Variants in CLYBL observed in about 807,000 individuals in gnomAD.
The protein encoded by CLYBL is citramalyl-CoA lyase, mitochondrial.
A neutral mutation model predicts 38.9 loss-of-function variants in CLYBL; 31 were observed. That is an observed-to-expected ratio of 0.80 (90% CI 0.60 to 1.08). The LOEUF (loss-of-function observed/expected upper bound fraction) is 1.08, where lower values mean the gene tolerates loss of function less well. Ranked by LOEUF, CLYBL falls within the 50% of genes least tolerant of loss-of-function variation. The pLI is 0.00. For synonymous variants in CLYBL, 171 were observed against 158.6 expected, an observed-to-expected ratio of 1.08 and a Z score of -0.59; for missense variants, 434 against 411.6, an observed-to-expected ratio of 1.05 and a Z score of -0.47.
At chr13:99,721,910 G>C (rs2048399155) in intron 1 of CLYBL, among the ~76,000 whole-genome samples, 1 of 152,110 alleles carries the variant, frequency 6.6e-6, no homozygotes, top group Non-Finnish European at 1.5e-5. Flanking sequence ...TGTTTCTGGA[G>C]CACTGCTTTA....
At chr13:99,820,362 ATT>A (rs1220312310) in intron 2 of CLYBL, among the ~76,000 whole-genome samples, 1 of 152,170 alleles carries the variant, frequency 6.6e-6, no homozygotes, top group Non-Finnish European at 1.5e-5. Context: ...ATATTTAAAA[ATT>A]TTTGTCTTTA....
At chr13:99,642,636 T>C (rs1308202087) in intron 1 of CLYBL, among the ~76,000 whole-genome samples, 3 of 152,054 alleles carry the variant, frequency 2.0e-5, no homozygotes, top group African/African-American at 7.2e-5. Flanking sequence ...CAGGCTGGTC[T>C]CAAACTCCTG....
chr13:99,902,184 T>C lies in CLYBL; in HGVS notation c.*25-3086T>C, dbSNP rs139834196. On this transcript the variant is annotated intron_variant and NMD_transcript_variant, in intron 8 of 9. Coordinates refer to the CLYBL transcript ENST00000689673. Reference sequence around the variant, plus strand: ...AATTTCTATCCTATTCTTAACCTTATTCCTTTTGGGGGAGATATTACCAGA... The same window carrying C: ...AATTTCTATCCTATTCTTAACCTTACTCCTTTTGGGGGAGATATTACCAGA... Among the ~76,000 whole-genome samples, 419 of 152,352 alleles carry C rather than the reference T, an allele frequency of 2.8e-3. 1 individual carries two copies. Among genetic ancestry groups the C allele is most frequent in the Non-Finnish European group, 3.7e-3 (255 of 68,038 alleles).
intron 1 of CLYBL, among the ~76,000 whole-genome samples, chr13:99,669,299 G>T (rs1396616516): frequency 6.6e-6 from 1 of 152,170 alleles, no homozygotes; most frequent in African/African-American, 2.4e-5. Flanking sequence ...GCCGCGCCCG[G>T]CCAGGTCCTT....
At chr13:99,878,601 C>G (rs2038694) in intron 7 of CLYBL, among the ~76,000 whole-genome samples, 16 of 152,186 alleles carry the variant, frequency 1.1e-4, no homozygotes, top group African/African-American at 3.9e-4. Context: ...AAATCAATGA[C>G]TTATGCACGT....
chr13:99,731,993 AG>A (rs1186841955), intron 1 of CLYBL, among the ~76,000 whole-genome samples: 1 of 152,046 alleles, frequency 6.6e-6, no homozygotes, highest in Non-Finnish European at 1.5e-5. Context: ...GAACGGTACC[AG>A]GGGCTTGGGA....
chr13:99,744,344 G>A (rs542729498), intron 1 of CLYBL, among the ~76,000 whole-genome samples: 2 of 152,252 alleles, frequency 1.3e-5, no homozygotes, highest in East Asian at 1.9e-4. Context: ...TTTGACTTTT[G>A]AATAGTTACT....
At chr13:99,787,348 C>CT (rs2049818560) in intron 2 of CLYBL, among the ~76,000 whole-genome samples, 1 of 152,148 alleles carries the variant, frequency 6.6e-6, no homozygotes, top group Non-Finnish European at 1.5e-5. Flanking sequence ...ACATTTAAGT[C>CT]TTTAATCCAT....
At chr13:99,799,843 C>T (rs1348266731) in intron 2 of CLYBL, among the ~76,000 whole-genome samples, 1 of 152,250 alleles carries the variant, frequency 6.6e-6, no homozygotes, top group Non-Finnish European at 1.5e-5. Context: ...ACACGTGAAG[C>T]ACACATGTTG....
intron 2 of CLYBL, among the ~76,000 whole-genome samples, chr13:99,810,140 G>A (rs1363150012): frequency 1.3e-5 from 2 of 152,214 alleles, no homozygotes; most frequent in African/African-American, 4.8e-5. Context: ...CCACTTTGTG[G>A]CAACACAAGG....
chr13:99,714,810 A>G (rs1015256352), intron 1 of CLYBL, among the ~76,000 whole-genome samples: 14 of 151,716 alleles, frequency 9.2e-5, no homozygotes, highest in Admixed American at 7.9e-4. Context: ...TTAGCCAGGC[A>G]TGGTGGCGGG....
At chr13:99,700,585 T>C (rs908394285) in intron 1 of CLYBL, among the ~76,000 whole-genome samples, 7 of 152,162 alleles carry the variant, frequency 4.6e-5, no homozygotes, top group Non-Finnish European at 8.8e-5. Flanking sequence ...TCTGGGGCTT[T>C]GACTCCCTCA....
At chr13:99,779,422 G>A (rs1051618067) in intron 2 of CLYBL, among the ~76,000 whole-genome samples, 4 of 152,084 alleles carry the variant, frequency 2.6e-5, no homozygotes, top group South Asian at 2.1e-4. Flanking sequence ...TTACAGGCGC[G>A]AGCCACCGTG....
At chr13:99,770,080 C>CTTTTTTTTTTTT (rs3033589) in intron 1 of CLYBL, among the ~76,000 whole-genome samples, 2 of 103,180 alleles carry the variant, frequency 1.9e-5, no homozygotes, top group Non-Finnish European at 3.9e-5. Flanking sequence ...TCTTTTCTTT[C>CTTTTTTTTTTTT]TTTTTTTTTT....
intron 1 of CLYBL, among the ~76,000 whole-genome samples, chr13:99,633,542 A>AC (rs1455403570): frequency 6.6e-6 from 1 of 151,756 alleles, no homozygotes. Context: ...CTCAAAAAAA[A>AC]AAAAAAAAAT....
chr13:99,773,826 C>T (rs117806143), intron 2 of CLYBL, among the ~76,000 whole-genome samples: 2,372 of 152,198 alleles, frequency 0.016, 30 homozygotes, highest in Non-Finnish European at 0.024. Context: ...GGATAAATCA[C>T]CATTTTCTCT....
chr13:99,866,256 A>G lies in CLYBL; in HGVS notation c.651A>G (p.Lys217=), dbSNP rs370256620. Residue 217 remains lysine, a synonymous_variant, in exon 6 of 9, where the codon AAA becomes AAG. Transcript: ENST00000339105. ...FRASIGATSS[K]ETLDILYARQ... is the part of the protein sequence containing the mutation. ...CATTTTCAGGTGCAACAAGTAGTAAAGAAACCCTGGATATTCTCTACGCCC... is the reference window on the plus strand; with the variant it reads ...CATTTTCAGGTGCAACAAGTAGTAAGGAAACCCTGGATATTCTCTACGCCC... 1.5e-5 allele frequency: 24 copies of G among 1,613,740 alleles called. No individual in the cohort carries two copies. The highest frequency in any genetic ancestry group is 2.0e-5 in the Non-Finnish European group (24 of 1,179,990).
downstream of CLYBL, chr13:99,893,325 G>A (rs556608053): frequency 1.3e-5 from 2 of 152,582 alleles, no homozygotes; most frequent in South Asian, 2.1e-4. Flanking sequence ...CACCAAGGAT[G>A]GGACTCCTGG....
intron 1 of CLYBL, among the ~76,000 whole-genome samples, chr13:99,644,206 G>GCATGTATATGTGGTGTA (rs34349227): frequency 6.9e-6 from 1 of 144,994 alleles, no homozygotes. Flanking sequence ...TGTGGTGTAT[G>GCATGTATATGTGGTGTA]TGTATATGTG....
Sources: allele counts gnomAD v4.1 joint callset (sites outside exome capture counted in the v4.1 genomes callset), GRCh38; gene constraint gnomAD v4.1.1; transcripts MANE v1.5; gene names NCBI Gene and HGNC (gene_info 2026-07-23, HGNC 2026-07-21).